ZGRF1: variants seen among roughly 807,000 people sequenced by gnomAD.
ZGRF1 encodes zinc finger GRF-type containing 1, also known as 5'-3' DNA helicase ZGRF1.
Under a neutral mutation model 203.5 loss-of-function variants are expected in ZGRF1, and 196 were observed. That is an observed-to-expected ratio of 0.96 (90% CI 0.86 to 1.08). The LOEUF (loss-of-function observed/expected upper bound fraction) is 1.08, where lower values mean the gene tolerates loss of function less well. Ranked by LOEUF, ZGRF1 falls within the 50% of genes least tolerant of loss-of-function variation. The pLI, the probability that ZGRF1 is intolerant of heterozygous loss-of-function variation, is 0.00. For synonymous variants in ZGRF1, 809 were observed against 841.3 expected, an observed-to-expected ratio of 0.96 and a Z score of 0.66; for missense variants, 2,326 against 2,416.3, an observed-to-expected ratio of 0.96 and a Z score of 0.78.
chr4:112,540,140 C>T lies in ZGRF1; in HGVS notation c.5911-16G>A. ...AATGACAAAGCTGTGGAAGAAAAAA[C>T]AGCAATCATGTAGTAAGAGATTGTG... On this transcript the variant is annotated splice_polypyrimidine_tract_variant and intron_variant, in intron 26 of 27. Coordinates refer to ENST00000505019, the MANE Select transcript of ZGRF1 (RefSeq NM_018392.5). The T allele has an allele frequency of 6.6e-7, 1 of 1,518,984 alleles. No individual in the cohort carries two copies. Among genetic ancestry groups the T allele is most frequent in the Admixed American group, 2.1e-5 (1 of 47,334 alleles). 94.1% of individuals were successfully genotyped at this position (1,518,984 alleles called of 1,614,324 possible). A position where few individuals can be genotyped will look rare whatever the true frequency, so the allele number is the denominator to read the frequency against.
intron 14 of ZGRF1, among the ~76,000 whole-genome samples, chr4:112,584,789 T>C (rs1398897211): frequency 6.6e-6 from 1 of 152,224 alleles, no homozygotes; most frequent in African/African-American, 2.4e-5. Flanking sequence ...AAGTGGGATA[T>C]GCAAATGGTG....
intron 10 of ZGRF1, among the ~76,000 whole-genome samples, chr4:112,601,127 T>C (rs959033056): frequency 1.4e-5 from 2 of 147,464 alleles, no homozygotes; most frequent in East Asian, 4.1e-4. Flanking sequence ...AATGATAAAC[T>C]AGGCCAGGCG....
intron 3 of ZGRF1, among the ~76,000 whole-genome samples, chr4:112,629,486 C>T (rs560726722): frequency 1.3e-5 from 2 of 152,202 alleles, no homozygotes; most frequent in South Asian, 4.1e-4. Flanking sequence ...GCCTGGCCAA[C>T]ATGGTGAAAC....
chr4:112,636,134 A>C (rs2047621219), intron 1 of ZGRF1, among the ~76,000 whole-genome samples: 1 of 152,246 alleles, frequency 6.6e-6, no homozygotes, highest in African/African-American at 2.4e-5. Flanking sequence ...CCAAGTGTTC[A>C]TCTGTCCACG....
chr4:112,635,416 C>T (rs2047565420), intron 1 of ZGRF1, among the ~76,000 whole-genome samples: 1 of 151,826 alleles, frequency 6.6e-6, no homozygotes, highest in South Asian at 2.1e-4. Flanking sequence ...TTTCTGTTGG[C>T]TTTTTAACTT....
chr4:112,563,301 T>C lies in ZGRF1; in HGVS notation c.4439-27A>G, dbSNP rs1233728864. Reference sequence around the variant, plus strand: ...TGAAAAGACAAACATTTTTAAATATTACACAGACATATACAGTATGGTTTT... The same window carrying C: ...TGAAAAGACAAACATTTTTAAATATCACACAGACATATACAGTATGGTTTT... On this transcript the variant is annotated intron_variant, in intron 16 of 27. Coordinates refer to ENST00000505019, the MANE Select transcript of ZGRF1 (RefSeq NM_018392.5). 9 of 1,510,050 alleles carry C rather than the reference T, an allele frequency of 6.0e-6. No homozygotes were observed. In the East Asian group the frequency reaches 2.0e-4, roughly 33 times the overall value. The allele number at this position is 1,510,050 out of a possible 1,614,324, so 93.5% of individuals were successfully genotyped here.
At chr4:112,562,580 C>G in intron 17 of ZGRF1, 95 bp from the exon 18 acceptor site, 1 of 724,960 alleles carries the variant, frequency 1.4e-6, no homozygotes, top group Non-Finnish European at 2.4e-6. Flanking sequence ...AGTTCAGCTA[C>G]TGAATTAAGC....
At chr4:112,560,469 A>C (rs1424587686) in intron 19 of ZGRF1, among the ~76,000 whole-genome samples, 2 of 152,212 alleles carry the variant, frequency 1.3e-5, no homozygotes, top group African/African-American at 4.8e-5. Context: ...TAGGAGAGCA[A>C]CATGTAAACA....
chr4:112,602,389 G>A (rs1442743857), intron 10 of ZGRF1, among the ~76,000 whole-genome samples: 1 of 152,198 alleles, frequency 6.6e-6, no homozygotes, highest in Non-Finnish European at 1.5e-5. Flanking sequence ...AGCATCAAGT[G>A]TTGGTAAAGA....
chr4:112,581,470 G>A (rs187999714), intron 16 of ZGRF1, among the ~76,000 whole-genome samples, 193 bp downstream of exon 16: 68 of 150,624 alleles, frequency 4.5e-4, no homozygotes, highest in Admixed American at 2.1e-3. Flanking sequence ...AAAATAAAAA[G>A]CCCTAATATC....
intron 4 of ZGRF1, among the ~76,000 whole-genome samples, chr4:112,623,310 A>G (rs1178657105): frequency 2.0e-5 from 3 of 152,204 alleles, no homozygotes; most frequent in South Asian, 2.1e-4. Context: ...TAGTGCTACA[A>G]TGAACATACA....
intron 8 of ZGRF1, among the ~76,000 whole-genome samples, chr4:112,609,007 A>T (rs1039163663): frequency 2.0e-5 from 3 of 152,128 alleles, no homozygotes; most frequent in African/African-American, 7.2e-5. Flanking sequence ...AGATGTATTT[A>T]TTAACTTAAA....
intron 6 of ZGRF1, 115 bp downstream of exon 6, chr4:112,617,325 T>C: frequency 1.4e-6 from 1 of 697,924 alleles, no homozygotes; most frequent in South Asian, 2.9e-5. Flanking sequence ...GTACATGTAT[T>C]ACCTATTTAA....
At chr4:112,625,562 G>T (rs1184741296) in intron 3 of ZGRF1, among the ~76,000 whole-genome samples, 1 of 148,286 alleles carries the variant, frequency 6.7e-6, no homozygotes, top group African/African-American at 2.5e-5. Context: ...CTCCAGCCTG[G>T]GCGACAGAGC....
intron 4 of ZGRF1, among the ~76,000 whole-genome samples, chr4:112,622,195 C>T (rs2047082919): frequency 6.6e-6 from 1 of 151,922 alleles, no homozygotes; most frequent in South Asian, 2.1e-4. Context: ...ACATCGTCAT[C>T]ATCATAGTAT....
chr4:112,619,610 C>T lies in ZGRF1; in HGVS notation c.432G>A (p.Lys144=). The T allele has an allele frequency of 4.3e-6, 7 of 1,614,040 alleles. No homozygotes were observed. The highest frequency in any genetic ancestry group is 5.9e-6 in the Non-Finnish European group (7 of 1,179,974). Residue 144 remains lysine (K), a synonymous_variant, in exon 6 of 28, where the codon AAG becomes AAA. Transcript: ENST00000505019. Reference sequence around the variant, plus strand: ...GAGAAAAAATAGTAGGGCCAGTTTTCTTAGCCTCATGTGATGCAGCTGATT... The same window carrying T: ...GAGAAAAAATAGTAGGGCCAGTTTTTTTAGCCTCATGTGATGCAGCTGATT... The part of the protein sequence containing the change: ...SGESAASHEA[K]KTGPTIFSPF...
At chr4:112,605,030 AT>A (rs1180712604) in intron 9 of ZGRF1, among the ~76,000 whole-genome samples, 3 of 152,232 alleles carry the variant, frequency 2.0e-5, no homozygotes, top group Non-Finnish European at 2.9e-5. Context: ...GGTGGAAAAT[AT>A]TCTTCTGAAT....
chr4:112,585,522 G>T lies in ZGRF1; in HGVS notation c.4101+19C>A, dbSNP rs781364237. The T allele has an allele frequency of 6.3e-7, 1 of 1,595,354 alleles. No homozygotes were observed. The highest frequency in any genetic ancestry group is 1.1e-5 in the South Asian group (1 of 88,082). ...AAGACAAGTATTTGGTATGGTAGGG[G>T]GAGGGGAAGCAAGAATACCTTATTT... On this transcript the variant is annotated intron_variant, in intron 14 of 27. Transcript: ENST00000505019.
chr4:112,581,622 T>C (rs752021603), intron 16 of ZGRF1, 41 bp downstream of exon 16: 13 of 1,448,628 alleles, frequency 9.0e-6, no homozygotes, highest in Non-Finnish European at 1.2e-5. Context: ...ATGGAGATAA[T>C]AAGGCTAGAC....
Sources: allele counts gnomAD v4.1 joint callset (sites outside exome capture counted in the v4.1 genomes callset), GRCh38; gene constraint gnomAD v4.1.1; transcripts MANE v1.5; gene names NCBI Gene and HGNC (gene_info 2026-07-23, HGNC 2026-07-21).